The following RAB28 variants were observed in gnomAD, a reference collection of about 807,000 sequenced individuals.
RAB28 encodes the protein RAB28, member RAS oncogene family, also known as ras-related protein Rab-28.
RAB28 carries 24 observed loss-of-function variants against 31.7 expected under a neutral mutation model. That is an observed-to-expected ratio of 0.76 (90% CI 0.55 to 1.06). The LOEUF (loss-of-function observed/expected upper bound fraction) is 1.06, where lower values mean the gene tolerates loss of function less well. Among genes scored for constraint, RAB28 ranks in the 50% least tolerant of loss-of-function variants. The pLI is 0.00. For synonymous variants in RAB28, 100 were observed against 90.4 expected (o/e 1.11, Z -0.60); for missense variants, 254 against 258.5 (o/e 0.98, Z 0.12).
chr4:13,463,767 T>G (rs1246551051), intron 3 of RAB28, among the ~76,000 whole-genome samples: 1 of 152,164 alleles, frequency 6.6e-6, no homozygotes, highest in African/African-American at 2.4e-5. Context: ...CTATTATTTT[T>G]CCTTGTTCTT....
chr4:13,381,351 A>T, intron 5 of RAB28, 140 bp downstream of exon 5: 1 of 559,766 alleles, frequency 1.8e-6, no homozygotes, highest in Non-Finnish European at 3.2e-6. Context: ...CAGAATAAAC[A>T]TGTTATATCT....
chr4:13,448,971 A>C (rs1293917478), intron 4 of RAB28, among the ~76,000 whole-genome samples: 1 of 151,984 alleles, frequency 6.6e-6, no homozygotes, highest in Non-Finnish European at 1.5e-5. Context: ...TGAAAAAGAC[A>C]CTTGGTTCTG....
chr4:13,439,760 T>C (rs895595857), intron 4 of RAB28, among the ~76,000 whole-genome samples: 4 of 152,188 alleles, frequency 2.6e-5, no homozygotes, highest in Non-Finnish European at 5.9e-5. Flanking sequence ...AGAGAACACA[T>C]ATATGCAGGT....
chr4:13,408,069 G>A (rs374166886), intron 4 of RAB28, among the ~76,000 whole-genome samples: 24 of 152,302 alleles, frequency 1.6e-4, no homozygotes, highest in African/African-American at 5.8e-4. Context: ...AGTGGTGAGA[G>A]AGGAATCCTT....
chr4:13,414,468 A>C (rs781063706), intron 4 of RAB28, among the ~76,000 whole-genome samples: 1 of 152,250 alleles, frequency 6.6e-6, no homozygotes, highest in Non-Finnish European at 1.5e-5. Context: ...GTAGTAAAAG[A>C]TCTAACTCCA....
intron 3 of RAB28, among the ~76,000 whole-genome samples, chr4:13,466,167 A>G (rs1052882105): frequency 6.6e-6 from 1 of 151,998 alleles, no homozygotes; most frequent in African/African-American, 2.4e-5. Context: ...CTGGGCAATA[A>G]TTTTTTGAAT....
chr4:13,484,082 G>A lies in RAB28; in HGVS notation c.69C>T (p.Ser23=), dbSNP rs749599126. Residue 23 remains serine, a synonymous_variant, in exon 1 of 7, where the codon TCC becomes TCT. Coordinates refer to ENST00000330852, the MANE Select transcript of RAB28 (RefSeq NM_001017979.3). Reference sequence around the variant, plus strand: ...GGCCTGCTCGAGGACTGACCTTCCCGGAGGCGCCGTCCCCCAGCACGACGA... The same window carrying A: ...GGCCTGCTCGAGGACTGACCTTCCCAGAGGCGCCGTCCCCCAGCACGACGA... The part of the protein sequence containing the change: ...LKIVVLGDGA[S]GKTSLTTCFA... 2.5e-6 allele frequency: 4 copies of A among 1,598,104 alleles called. No individual in the cohort carries two copies. Among genetic ancestry groups the A allele is most frequent in the Non-Finnish European group, 3.4e-6 (4 of 1,173,016 alleles).
intron 6 of RAB28, among the ~76,000 whole-genome samples, chr4:13,376,159 C>T (rs1231717238): frequency 6.6e-6 from 1 of 151,962 alleles, no homozygotes; most frequent in Non-Finnish European, 1.5e-5. Context: ...ACTAAACTGA[C>T]AATAAAATAA....
At chr4:13,415,525 G>C (rs1712716815) in intron 4 of RAB28, among the ~76,000 whole-genome samples, 1 of 152,160 alleles carries the variant, frequency 6.6e-6, no homozygotes, top group African/African-American at 2.4e-5. Flanking sequence ...GCAATGAGGA[G>C]CTTAGCACCC....
At chr4:13,430,634 G>A (rs991619902) in intron 4 of RAB28, among the ~76,000 whole-genome samples, 7 of 152,136 alleles carry the variant, frequency 4.6e-5, no homozygotes, top group South Asian at 2.1e-4. Flanking sequence ...GTGTCATGAT[G>A]GTTGTGTACC....
rs766281383 is a variant in RAB28 at position 13,479,432 on chromosome 4, G to A, written c.170C>T (p.Pro57Leu). ...LDFFLRRITL[P>L]GNLNVTLQIW... ...GTTAAGACTTTTTAGTCTCTTACCT[G>A]GCAATGTTATCCTTCTCAAAAAGAA... The change falls in exon 2 of 7, where the codon CCA (proline) becomes CTA (leucine). Residue 57 changes from proline (P) to leucine (L), a missense_variant and splice_region_variant. Coordinates refer to ENST00000330852, the MANE Select transcript of RAB28 (RefSeq NM_001017979.3). The A allele has an allele frequency of 1.3e-6, 2 of 1,584,458 alleles. No homozygotes were observed. The highest frequency in any genetic ancestry group is 2.7e-5 in the African/African-American group (2 of 73,794).
chr4:13,441,338 A>AAAATCCT (rs1158675411), intron 4 of RAB28, among the ~76,000 whole-genome samples: 7 of 152,334 alleles, frequency 4.6e-5, no homozygotes, highest in African/African-American at 1.2e-4. Flanking sequence ...ATTTAGCCTA[A>AAAATCCT]TTAATTACCT....
intron 4 of RAB28, among the ~76,000 whole-genome samples, chr4:13,446,380 T>C (rs1560135187): frequency 6.6e-6 from 1 of 152,166 alleles, no homozygotes; most frequent in Non-Finnish European, 1.5e-5. Context: ...AGTGGACAGT[T>C]TTCCTGTCTC....
chr4:13,403,264 G>C (rs142293592), intron 4 of RAB28, among the ~76,000 whole-genome samples: 1 of 152,076 alleles, frequency 6.6e-6, no homozygotes, highest in Non-Finnish European at 1.5e-5. Flanking sequence ...TACACGTTTT[G>C]TTTACATTTT....
intron 4 of RAB28, among the ~76,000 whole-genome samples, chr4:13,449,640 G>A (rs1714863022): frequency 6.6e-6 from 1 of 151,920 alleles, no homozygotes; most frequent in Non-Finnish European, 1.5e-5. Context: ...TAGTGTTGAT[G>A]CACTCTTCTC....
intron 4 of RAB28, among the ~76,000 whole-genome samples, chr4:13,382,552 T>C (rs1183928349): frequency 1.3e-5 from 2 of 152,098 alleles, no homozygotes; most frequent in Non-Finnish European, 1.5e-5. Flanking sequence ...AATGCACTCA[T>C]ACTACATAAA....
At chr4:13,443,179 GTT>G (rs200861366) in intron 4 of RAB28, among the ~76,000 whole-genome samples, 1 of 145,118 alleles carries the variant, frequency 6.9e-6, no homozygotes. Flanking sequence ...AATATAAATG[GTT>G]TTTTTTTTTT....
chr4:13,440,060 T>C (rs531166537), intron 4 of RAB28, among the ~76,000 whole-genome samples: 7 of 152,304 alleles, frequency 4.6e-5, no homozygotes, highest in Non-Finnish European at 7.4e-5. Flanking sequence ...CCTAAAAATT[T>C]TCTCCAGGAC....
chr4:13,376,521 A>T, intron 6 of RAB28, 24 bp downstream of exon 6: 1 of 1,535,910 alleles, frequency 6.5e-7, no homozygotes, highest in Non-Finnish European at 8.8e-7. Flanking sequence ...TTAATTTTTT[A>T]AATATAAAGT....
Sources: gnomAD v4.1 joint callset for allele counts (sites outside exome capture counted in the v4.1 genomes callset) on GRCh38, gnomAD v4.1.1 for gene constraint, MANE v1.5 for transcripts, NCBI Gene and HGNC (gene_info 2026-07-23, HGNC 2026-07-21) for gene names.